The following PGM1 variants were observed in gnomAD, a reference collection of about 807,000 sequenced individuals.
PGM1 encodes the protein phosphoglucomutase-1.
A neutral mutation model predicts 55.6 loss-of-function variants in PGM1; 52 were observed. The ratio of observed to expected loss-of-function variants is 0.94; its 90% CI spans 0.75 to 1.18. The LOEUF is 1.18. Among genes scored for constraint, PGM1 ranks in the 50% most tolerant of loss-of-function variants. The pLI, the probability that PGM1 is intolerant of heterozygous loss-of-function variation, is 0.00. For synonymous variants in PGM1, 287 were observed against 271.7 expected (o/e 1.06, Z -0.55); for missense variants, 724 against 729.3 (o/e 0.99, Z 0.08).
At chr1:63,638,621 C>A (rs573796531) in intron 6 of PGM1, 64 bp from the exon 7 acceptor site, 1 of 1,028,152 alleles carries the variant, frequency 9.7e-7, no homozygotes, top group African/African-American at 1.6e-5. Flanking sequence ...TGCCCTTTTC[C>A]GTCCCTCACA....
chr1:63,608,871 A>G (rs1056793173), intron 1 of PGM1, among the ~76,000 whole-genome samples: 1 of 152,226 alleles, frequency 6.6e-6, no homozygotes, highest in African/African-American at 2.4e-5. Flanking sequence ...CGAAAGAGTA[A>G]TCGTAATATC....
chr1:63,637,134 G>A (rs1488160706), intron 6 of PGM1, among the ~76,000 whole-genome samples: 1 of 152,244 alleles, frequency 6.6e-6, no homozygotes, highest in Non-Finnish European at 1.5e-5. Context: ...GTCAAGGCCA[G>A]GGAGGAAAGT....
Position 63,623,508 on chromosome 1 carries a change from A to G in PGM1, c.247-5917A>G, listed in dbSNP as rs1474821998. The G allele has an allele frequency of 3.1e-6, 5 of 1,612,754 alleles. No individual in the cohort carries two copies. In the South Asian group the frequency reaches 4.4e-5, roughly 14 times the overall value. ...TTTCTGGGACATATAGAAAAATGGA[A>G]GAAGGTCCTCTCCCTCTGTTGACTT... is the stretch of plus-strand genomic sequence containing the variant. On this transcript the variant is annotated intron_variant, in intron 1 of 10. Transcript: ENST00000371084.
chr1:63,649,017 C>T (rs1454174445), intron 8 of PGM1, among the ~76,000 whole-genome samples: 2 of 152,114 alleles, frequency 1.3e-5, no homozygotes, highest in Admixed American at 1.3e-4. Context: ...TTTCTCTGTA[C>T]TCAGTTTTGT....
chr1:63,629,672 T>G, intron 2 of PGM1, 85 bp downstream of exon 2: 1 of 1,380,912 alleles, frequency 7.2e-7, no homozygotes, highest in Non-Finnish European at 1.0e-6. Flanking sequence ...ACCAGGGTTT[T>G]GGTTCTGATC....
At chr1:63,600,581 AAAAT>A (rs1648214470) in intron 1 of PGM1, among the ~76,000 whole-genome samples, 1 of 152,212 alleles carries the variant, frequency 6.6e-6, no homozygotes, top group Non-Finnish European at 1.5e-5. Context: ...TCTCTGAAGA[AAAAT>A]AAAACCCAGT....
At chr1:63,647,947 A>C (rs1649699115) in intron 7 of PGM1, among the ~76,000 whole-genome samples, 1 of 152,222 alleles carries the variant, frequency 6.6e-6, no homozygotes, top group Non-Finnish European at 1.5e-5. Context: ...CTTATGCCTT[A>C]CATTTCTAAA....
chr1:63,640,741 C>T (rs1483055049), intron 7 of PGM1, among the ~76,000 whole-genome samples: 1 of 152,136 alleles, frequency 6.6e-6, no homozygotes, highest in African/African-American at 2.4e-5. Flanking sequence ...CAAGAAGCAG[C>T]TCTCAGGTCC....
intron 6 of PGM1, 100 bp from the exon 7 acceptor site, chr1:63,638,585 A>T (rs1289128237): frequency 4.9e-6 from 4 of 822,400 alleles, no homozygotes; most frequent in Non-Finnish European, 8.7e-6. Context: ...GCAATGCTAA[A>T]TGGGACCCTT....
intron 10 of PGM1, among the ~76,000 whole-genome samples, chr1:63,656,900 A>G (rs1446246753): frequency 6.6e-6 from 1 of 152,140 alleles, no homozygotes; most frequent in Non-Finnish European, 1.5e-5. Flanking sequence ...AGTTCTAGAG[A>G]TGGAATGTAC....
At chr1:63,629,702 G>A (rs1400825341) in intron 2 of PGM1, 115 bp downstream of exon 2, 3 of 1,091,746 alleles carry the variant, frequency 2.7e-6, no homozygotes. Context: ...GGGTAGGGAG[G>A]TGCTCTTTGC....
At chr1:63,623,511 A>C (rs753634606) in intron 1 of PGM1, 5 of 1,612,628 alleles carry the variant, frequency 3.1e-6, no homozygotes, top group Non-Finnish European at 4.2e-6. Flanking sequence ...AAATGGAAGA[A>C]GGTCCTCTCC....
intron 7 of PGM1, among the ~76,000 whole-genome samples, chr1:63,640,106 G>A (rs1570505307): frequency 6.6e-6 from 1 of 152,176 alleles, no homozygotes; most frequent in South Asian, 2.1e-4. Flanking sequence ...CTACATGAGT[G>A]CCCAATGAGC....
intron 3 of PGM1, 34 bp downstream of exon 3, chr1:63,630,122 C>G: frequency 6.2e-7 from 1 of 1,608,150 alleles, no homozygotes; most frequent in Non-Finnish European, 8.5e-7. Flanking sequence ...CTGCCCACTC[C>G]TATTTCCAAG....
intron 3 of PGM1, among the ~76,000 whole-genome samples, chr1:63,630,636 AC>A (rs1208736426): frequency 6.6e-6 from 1 of 152,150 alleles, no homozygotes; most frequent in Non-Finnish European, 1.5e-5. Context: ...AATCAATCAG[AC>A]TATTTTGGGG....
chr1:63,644,520 C>T (rs955744703), intron 7 of PGM1, among the ~76,000 whole-genome samples: 1 of 152,132 alleles, frequency 6.6e-6, no homozygotes, highest in Non-Finnish European at 1.5e-5. Context: ...TTTTCTTCTC[C>T]AATATGTACA....
chr1:63,606,763 A>T (rs905533717), intron 1 of PGM1, among the ~76,000 whole-genome samples: 1 of 152,248 alleles, frequency 6.6e-6, no homozygotes, highest in African/African-American at 2.4e-5. Flanking sequence ...CCAATAGTTT[A>T]TACTGTCCTA....
chr1:63,593,749 G>T lies in PGM1; in HGVS notation c.246+15G>T. 6.3e-7 allele frequency: 1 copy of T among 1,579,990 alleles called. No individual in the cohort carries two copies. Among genetic ancestry groups the T allele is most frequent in the Non-Finnish European group, 8.6e-7 (1 of 1,169,128 alleles). On this transcript the variant is annotated intron_variant, in intron 1 of 10. Transcript: ENST00000371084. ...CCGCCAACGGGGTAAGGGATGCGCGGCCCCGCGCCGCTGTGCACCCTGGCG... is the reference window on the plus strand; with the variant it reads ...CCGCCAACGGGGTAAGGGATGCGCGTCCCCGCGCCGCTGTGCACCCTGGCG...
intron 1 of PGM1, among the ~76,000 whole-genome samples, chr1:63,622,245 G>A (rs1016015184): frequency 2.6e-5 from 4 of 151,696 alleles, no homozygotes; most frequent in East Asian, 1.9e-4. Context: ...GACTGGTCTC[G>A]AACTCCTGAC....
Sources: allele counts gnomAD v4.1 joint callset (sites outside exome capture counted in the v4.1 genomes callset), GRCh38; gene constraint gnomAD v4.1.1; transcripts MANE v1.5; gene names NCBI Gene and HGNC (gene_info 2026-07-23, HGNC 2026-07-21).